The following SUFU variants were observed in gnomAD, a reference collection of about 807,000 sequenced individuals.
SUFU encodes suppressor of fused homolog.
In SUFU, 7 loss-of-function variants were observed where a neutral mutation model predicts 58.9. The ratio of observed to expected loss-of-function variants is 0.12; its 90% CI spans 0.07 to 0.22. SUFU has a LOEUF of 0.22. SUFU is among the 10% of genes least tolerant of loss of function. SUFU has a pLI of 1.00. For synonymous variants in SUFU, 232 were observed against 254.8 expected (o/e 0.91, Z 0.85); for missense variants, 451 against 641.3 (o/e 0.70, Z 3.20).
intron 2 of SUFU, among the ~76,000 whole-genome samples, chr10:102,527,146 G>A (rs1182321345): frequency 2.0e-5 from 3 of 151,832 alleles, no homozygotes; most frequent in Non-Finnish European, 2.9e-5. Context: ...GGGACCACAG[G>A]CACCCACCAC....
intron 3 of SUFU, among the ~76,000 whole-genome samples, chr10:102,551,356 G>GA (rs2062912941): frequency 1.3e-5 from 2 of 152,330 alleles, no homozygotes; most frequent in South Asian, 4.1e-4. Context: ...GACTAGGGCA[G>GA]GCCAGGCACA....
intron 7 of SUFU, among the ~76,000 whole-genome samples, chr10:102,598,024 T>C (rs907281173): frequency 1.3e-5 from 2 of 152,278 alleles, no homozygotes; most frequent in South Asian, 4.1e-4. Flanking sequence ...TTCTTCCATC[T>C]TTTCTTTTTT....
chr10:102,579,915 C>A, intron 3 of SUFU: 1 of 954,566 alleles, frequency 1.0e-6, no homozygotes, highest in Non-Finnish European at 1.2e-6. Context: ...TTGGGAAACT[C>A]TACAACTGGT....
At chr10:102,573,270 T>G (rs1031673678) in intron 3 of SUFU, 4 of 638,060 alleles carry the variant, frequency 6.3e-6, no homozygotes, top group Non-Finnish European at 1.1e-5. Context: ...AATCATCTAC[T>G]TTGGCCTCAC....
Position 102,628,355 on chromosome 10 carries a change from C to T in SUFU, c.1365+1112C>T, listed in dbSNP as rs1433866418. On this transcript the variant is annotated intron_variant, in intron 11 of 11. Coordinates refer to ENST00000369902, the MANE Select transcript of SUFU (RefSeq NM_016169.4). The surrounding 1 kb of genome is among the most constrained non-coding windows in gnomAD (Gnocchi z 4.5). ...TCAATAGAGCAGGGTCTCCTCTGTCCTCTGGGATGCAGCTTGAGAAATTTG... is the reference window on the plus strand; with the variant it reads ...TCAATAGAGCAGGGTCTCCTCTGTCTTCTGGGATGCAGCTTGAGAAATTTG... Among the ~76,000 whole-genome samples the T allele has an allele frequency of 1.3e-5, 2 of 152,224 alleles. No individual in the cohort carries two copies. The highest frequency in any genetic ancestry group is 2.4e-5 in the African/African-American group (1 of 41,456).
chr10:102,632,139 G>T lies in SUFU; in HGVS notation c.*1984G>T, dbSNP rs189285229. The T allele has an allele frequency of 9.4e-5, 22 of 233,400 alleles. No homozygotes were observed. The highest frequency in any genetic ancestry group is 1.3e-3 in the Middle Eastern group (1 of 786). The allele number at this position is 233,400 out of a possible 1,614,324, so 14.5% of individuals were successfully genotyped here. ...GCTGCAGTTCGCCGTACTTCCATCT[G>T]CTGGGTGCCTCCATCGTTGGTTGGG... On this transcript the variant is annotated 3_prime_UTR_variant, in exon 12 of 12. Transcript: ENST00000369902.
At chr10:102,567,965 G>A (rs2063109263) in intron 3 of SUFU, among the ~76,000 whole-genome samples, 1 of 152,168 alleles carries the variant, frequency 6.6e-6, no homozygotes, top group African/African-American at 2.4e-5. Flanking sequence ...AGGTCCTCCT[G>A]TATTGAGTAC....
chr10:102,565,256 A>T (rs1403291815), intron 3 of SUFU, among the ~76,000 whole-genome samples: 1 of 152,212 alleles, frequency 6.6e-6, no homozygotes. Flanking sequence ...TCGGCCGACA[A>T]CTGACTTAGA....
chr10:102,573,063 A>C lies in SUFU; in HGVS notation c.455-19519A>C, dbSNP rs2063178613. On this transcript the variant is annotated intron_variant, in intron 3 of 11. Transcript: ENST00000369902. ...TTCTGAGGGTACTTGGGCTGCCTCCAGAATCGCAGTGTCTTGGGCCGCTGG... is the reference window on the plus strand; with the variant it reads ...TTCTGAGGGTACTTGGGCTGCCTCCCGAATCGCAGTGTCTTGGGCCGCTGG... The C allele has an allele frequency of 2.5e-5, 20 of 804,966 alleles. No homozygotes were observed. In the South Asian group the frequency reaches 2.7e-4, roughly 11 times the overall value. The allele number at this position is 804,966 out of a possible 1,614,324, so 49.9% of individuals were successfully genotyped here. A position where few individuals can be genotyped will look rare whatever the true frequency, so the allele number is the denominator to read the frequency against.
chr10:102,593,919 C>A, intron 5 of SUFU, 74 bp from the exon 6 acceptor site: 1 of 1,566,662 alleles, frequency 6.4e-7, no homozygotes, highest in Non-Finnish European at 8.8e-7. Context: ...GGGCAGCAAA[C>A]AGGGCAGGCT....
chr10:102,537,871 AATTTCT>A (rs2062758801), intron 2 of SUFU, among the ~76,000 whole-genome samples: 1 of 152,150 alleles, frequency 6.6e-6, no homozygotes, highest in Non-Finnish European at 1.5e-5. Context: ...TCAGTATACA[AATTTCT>A]ATTCAAGACC....
Position 102,625,892 on chromosome 10 carries a change from G to A in SUFU, c.1297-1283G>A, listed in dbSNP as rs1280153405. Among the ~76,000 whole-genome samples the A allele has an allele frequency of 1.3e-5, 2 of 152,182 alleles. No homozygotes were observed. Among genetic ancestry groups the A allele is most frequent in the Admixed American group, 6.5e-5 (1 of 15,284 alleles). ...CTCCTTCCTTGTTATCTCACAGCGTGGAAACTTTTGTTCTTGGCAGCTGAC... is the reference window on the plus strand; with the variant it reads ...CTCCTTCCTTGTTATCTCACAGCGTAGAAACTTTTGTTCTTGGCAGCTGAC... On this transcript the variant is annotated intron_variant, in intron 10 of 11. Coordinates refer to ENST00000369902, the MANE Select transcript of SUFU (RefSeq NM_016169.4). The surrounding 1 kb of genome is among the most constrained non-coding windows in gnomAD (Gnocchi z 4.7).
chr10:102,593,745 G>GC (rs1300761059), intron 5 of SUFU, 24 bp downstream of exon 5: 1 of 1,611,702 alleles, frequency 6.2e-7, no homozygotes, highest in African/African-American at 1.3e-5. Flanking sequence ...CAAGGTGGGA[G>GC]CGCGGCTCCC....
intron 2 of SUFU, among the ~76,000 whole-genome samples, chr10:102,533,967 A>G (rs1401287210): frequency 1.3e-5 from 2 of 152,230 alleles, no homozygotes; most frequent in Non-Finnish European, 2.9e-5. Context: ...GTTTGGTAAG[A>G]TACTGAGTTT....
intron 2 of SUFU, among the ~76,000 whole-genome samples, chr10:102,522,158 A>G (rs951724620): frequency 6.6e-6 from 1 of 152,246 alleles, no homozygotes; most frequent in Non-Finnish European, 1.5e-5. Flanking sequence ...TGAAAACAGC[A>G]CATTTGCTTG....
At chr10:102,578,721 A>AG (rs2063241703) in intron 3 of SUFU, among the ~76,000 whole-genome samples, 1 of 150,992 alleles carries the variant, frequency 6.6e-6, no homozygotes, top group Non-Finnish European at 1.5e-5. Context: ...AAAAAAAAAA[A>AG]TTAGATGGAC....
At position 102,580,028 on chromosome 10, in the gene SUFU, C is replaced by CA. The variant is rs1412436383; in HGVS notation, c.455-12553dup. Among the ~76,000 whole-genome samples, 7 of 9,680 alleles carry CA rather than the reference C, an allele frequency of 7.2e-4. 1 individual carries two copies. The highest frequency in any genetic ancestry group is 1.5e-3 in the Non-Finnish European group (6 of 4,084). 6.4% of individuals were successfully genotyped at this position (9,680 alleles called of 152,430 possible). On this transcript the variant is annotated intron_variant, in intron 3 of 11. Transcript: ENST00000369902. ...AATCTGTTTTGGGTCTCCTCCCCCG[C>CA]ACCCCCCCCCCGCCCCCAGTTTGTT...
chr10:102,511,417 C>T (rs1294110393), intron 2 of SUFU, among the ~76,000 whole-genome samples: 1 of 151,812 alleles, frequency 6.6e-6, no homozygotes, highest in Non-Finnish European at 1.5e-5. Context: ...TTAACCTGGG[C>T]AGGTTGAAAG....
At chr10:102,597,842 G>A (rs867395393) in intron 7 of SUFU, among the ~76,000 whole-genome samples, 11 of 152,242 alleles carry the variant, frequency 7.2e-5, no homozygotes, top group Admixed American at 2.0e-4. Context: ...TGTTCCGGAT[G>A]GGGTCTTTGG....
Sources: allele counts gnomAD v4.1 joint callset (sites outside exome capture counted in the v4.1 genomes callset), GRCh38; gene constraint gnomAD v4.1.1; non-coding constraint Gnocchi (gnomAD v3.1); transcripts MANE v1.5; gene names NCBI Gene and HGNC (gene_info 2026-07-23, HGNC 2026-07-21).